The following TDRD5 variants were observed in gnomAD, a reference collection of about 807,000 sequenced individuals.
TDRD5 encodes the protein tudor domain containing 5, also known as tudor domain-containing protein 5.
TDRD5 carries 41 observed loss-of-function variants against 120.6 expected under a neutral mutation model. The observed-to-expected ratio is 0.34, with a 90% CI of 0.26 to 0.44. The LOEUF (loss-of-function observed/expected upper bound fraction) is 0.44. Ranked by LOEUF, TDRD5 falls within the 20% of genes least tolerant of loss-of-function variation. The pLI, the probability that TDRD5 is intolerant of heterozygous loss-of-function variation, is 1.00. For missense variants in TDRD5, 1,006 were observed against 1,221.2 expected (o/e 0.82, Z 2.63); for synonymous variants, 430 against 433.7 (o/e 0.99, Z 0.11).
intron 4 of TDRD5, among the ~76,000 whole-genome samples, chr1:179,612,152 T>C (rs1162953803): frequency 1.3e-5 from 2 of 152,222 alleles, no homozygotes; most frequent in African/African-American, 4.8e-5. Context: ...TCTTTTGTTC[T>C]TCCAAAGTGA....
intron 5 of TDRD5, 95 bp from the exon 6 acceptor site, chr1:179,620,940 C>T: frequency 1.1e-6 from 1 of 952,114 alleles, no homozygotes; most frequent in South Asian, 1.9e-5. Context: ...AATAATGTTA[C>T]TTTTGCCTTT....
intron 3 of TDRD5, 89 bp from the exon 4 acceptor site, chr1:179,595,539 C>A: frequency 8.5e-7 from 1 of 1,173,242 alleles, no homozygotes; most frequent in Non-Finnish European, 1.2e-6. Context: ...AGGCAGTTAG[C>A]TCACAGTAGC....
Position 179,618,577 on chromosome 1 carries a change from CTTT to C in TDRD5, c.832-15_832-13del. Reference sequence around the variant, plus strand: ...TTTGGTCAGGGGGACTGTGACTTGACTTTTTTTTTCTTTTTTCATAGCTGGAGA... The same window carrying C: ...TTTGGTCAGGGGGACTGTGACTTGACTTTTTTCTTTTTTCATAGCTGGAGA... On this transcript the variant is annotated intron_variant, in intron 4 of 17. Transcript: ENST00000444136. The C allele has an allele frequency of 6.5e-7, 1 of 1,545,334 alleles. No homozygotes were observed.
chr1:179,621,134 A>G lies in TDRD5; in HGVS notation c.972+43A>G, dbSNP rs769113540. 3.0e-5 allele frequency: 46 copies of G among 1,549,656 alleles called. No homozygotes were observed. In the South Asian group the frequency reaches 4.0e-4, roughly 14 times the overall value. On this transcript the variant is annotated intron_variant, in intron 6 of 17. Transcript: ENST00000444136. ...CCCCAACCCTAATTTTTTATGGCTT[A>G]TATTTCTTGTGATAGATGGAATTTT...
intron 17 of TDRD5, among the ~76,000 whole-genome samples, chr1:179,686,090 G>A (rs930995452): frequency 1.3e-5 from 2 of 152,192 alleles, no homozygotes; most frequent in African/African-American, 4.8e-5. Flanking sequence ...TTGAATAGGA[G>A]TGGTGAGAGA....
intron 4 of TDRD5, among the ~76,000 whole-genome samples, chr1:179,602,094 C>T (rs1376771684): frequency 6.6e-6 from 1 of 152,226 alleles, no homozygotes; most frequent in African/African-American, 2.4e-5. Flanking sequence ...GCATAAGCCA[C>T]CGTACCTGGC....
intron 11 of TDRD5, among the ~76,000 whole-genome samples, chr1:179,644,423 A>G (rs996301543): frequency 2.0e-5 from 3 of 152,294 alleles, no homozygotes; most frequent in Middle Eastern, 3.4e-3. Flanking sequence ...TATAAAGGCT[A>G]CAAATCATGA....
intron 7 of TDRD5, among the ~76,000 whole-genome samples, chr1:179,632,670 T>C (rs774784869): frequency 2.0e-5 from 3 of 152,168 alleles, no homozygotes; most frequent in African/African-American, 4.8e-5. Context: ...CAGAGGTAAC[T>C]AGCATTAATA....
chr1:179,686,586 T>C (rs1014232769), intron 17 of TDRD5, among the ~76,000 whole-genome samples: 31 of 152,254 alleles, frequency 2.0e-4, no homozygotes, highest in Non-Finnish European at 4.3e-4. Flanking sequence ...TCCCTCTTTT[T>C]CTATTGATTG....
At chr1:179,647,840 G>GGA (rs1678473776) in intron 11 of TDRD5, among the ~76,000 whole-genome samples, 1 of 143,524 alleles carries the variant, frequency 7.0e-6, no homozygotes, top group Non-Finnish European at 1.5e-5. Context: ...AAAAACATAT[G>GGA]AAAAAATGCT....
rs117429539 is a variant in TDRD5 at position 179,657,065 on chromosome 1, A to C, written c.2322+2703A>C. Among the ~76,000 whole-genome samples the C allele has an allele frequency of 7.0e-3, 1,059 of 152,318 alleles. 29 individuals are homozygous for C. Among genetic ancestry groups the C allele is most frequent in the Admixed American group, 0.055 (843 of 15,292 alleles). ...AGAGCAAAACTCTGTCTCAAGAAAA[A>C]GAAAAAATCAGGTAGTATGATTCCT... On this transcript the variant is annotated intron_variant, in intron 14 of 17. Transcript: ENST00000444136.
intron 17 of TDRD5, among the ~76,000 whole-genome samples, chr1:179,689,355 CTGCAGAACAGCAAATAT>C (rs1478046445): frequency 3.9e-5 from 6 of 152,212 alleles, no homozygotes; most frequent in Non-Finnish European, 7.3e-5. Context: ...CCAGCAGAGG[CTGCAGAACAGCAAATAT>C]TGCAGAACGG....
In TDRD5 at chr1:179,600,046, T is replaced by C. The variant is rs140708155; in HGVS notation, c.831+4228T>C. ...TAAAAAAATTAATTGTAAAACAGCT[T>C]CAGGCATTTCCTTCAGGAAGTATTC... On this transcript the variant is annotated intron_variant, in intron 4 of 17. Transcript: ENST00000444136. 5.0e-3 allele frequency among the ~76,000 whole-genome samples: 754 copies of C among 152,250 alleles called. 8 individuals carry two copies. Among genetic ancestry groups the C allele is most frequent in the East Asian group, 0.041 (212 of 5,186 alleles).
chr1:179,626,074 CA>C (rs1221524873), intron 6 of TDRD5, among the ~76,000 whole-genome samples: 3 of 150,842 alleles, frequency 2.0e-5, no homozygotes, highest in African/African-American at 4.9e-5. Flanking sequence ...TGGGGTGGGG[CA>C]GGGGGGAGGG....
intron 16 of TDRD5, among the ~76,000 whole-genome samples, chr1:179,666,126 A>G (rs1679542545): frequency 6.6e-6 from 1 of 152,234 alleles, no homozygotes; most frequent in South Asian, 2.1e-4. Context: ...GGATTTTAAA[A>G]TTCAAGTAGT....
intron 14 of TDRD5, 51 bp from the exon 15 acceptor site, chr1:179,662,053 C>T (rs974720882): frequency 6.8e-7 from 1 of 1,464,348 alleles, no homozygotes; most frequent in Non-Finnish European, 9.0e-7. Context: ...TTTATGTGCT[C>T]ATATAGGAAC....
chr1:179,642,210 C>G (rs1040098002), intron 11 of TDRD5, among the ~76,000 whole-genome samples: 2 of 152,030 alleles, frequency 1.3e-5, no homozygotes, highest in Non-Finnish European at 2.9e-5. Context: ...AAGCAATTCT[C>G]CTGCCTCAGC....
At chr1:179,601,518 A>G (rs889790886) in intron 4 of TDRD5, among the ~76,000 whole-genome samples, 4 of 152,122 alleles carry the variant, frequency 2.6e-5, no homozygotes, top group Admixed American at 2.0e-4. Context: ...CATGATGTTT[A>G]GTTTTCCATT....
At chr1:179,688,731 G>A (rs994633241) in intron 17 of TDRD5, among the ~76,000 whole-genome samples, 12 of 152,116 alleles carry the variant, frequency 7.9e-5, no homozygotes, top group Non-Finnish European at 1.5e-4. Flanking sequence ...TTTCTTGGAG[G>A]CTTTGTTCAT....
Sources: allele counts gnomAD v4.1 joint callset (sites outside exome capture counted in the v4.1 genomes callset), GRCh38; gene constraint gnomAD v4.1.1; transcripts MANE v1.5; gene names NCBI Gene and HGNC (gene_info 2026-07-23, HGNC 2026-07-21).